Variants in CMIP observed in about 807,000 individuals in gnomAD.
CMIP encodes c-Maf inducing protein, also known as C-Maf-inducing protein.
In CMIP, 13 loss-of-function variants were observed where a neutral mutation model predicts 97.3. The ratio of observed to expected loss-of-function variants is 0.13; its 90% CI spans 0.09 to 0.21. The LOEUF (loss-of-function observed/expected upper bound fraction) is 0.21, where lower values mean the gene tolerates loss of function less well. Ranked by LOEUF, CMIP falls within the 10% of genes least tolerant of loss-of-function variation. The probability of loss-of-function intolerance (pLI) is 1.00; values close to 1 mark genes in which losing one functional copy is unlikely to be tolerated. For synonymous variants in CMIP, 538 were observed against 436.3 expected, an observed-to-expected ratio of 1.23 and a Z score of -2.91; for missense variants, 847 against 1,024.9, an observed-to-expected ratio of 0.83 and a Z score of 2.37.
Position 81,707,079 on chromosome 16 carries a change from C to A in CMIP, c.2263C>A (p.Leu755Met). 1 of 1,613,546 alleles carries A rather than the reference C, an allele frequency of 6.2e-7. No homozygotes were observed. The highest frequency in any genetic ancestry group is 8.5e-7 in the Non-Finnish European group (1 of 1,179,550). Reference sequence around the variant, plus strand: ...GCTCTCAGCTGACACCTACGAAGATCTGAAGGTAATTCCCTCCTTCCTCCC... The same window carrying A: ...GCTCTCAGCTGACACCTACGAAGATATGAAGGTAATTCCCTCCTTCCTCCC... ...TKLSADTYEDLKAKLPNLKEV... is the reference protein window; with the variant it reads ...TKLSADTYEDMKAKLPNLKEV... The change falls in exon 20 of 21, where the codon CTG becomes ATG. Residue 755 changes from leucine to methionine, a missense_variant. Around this residue, in one of 4 missense-constraint regions of CMIP, gnomAD observed 266 missense variants for 384.2 expected, o/e 0.69. Transcript: ENST00000537098.
intron 17 of CMIP, among the ~76,000 whole-genome samples, chr16:81,703,004 C>T (rs1427422970): frequency 1.3e-5 from 2 of 152,010 alleles, no homozygotes; most frequent in South Asian, 4.2e-4. Context: ...TCACAGCAAC[C>T]CTTGGAAGCT....
At chr16:81,504,639 C>T (rs201254432) in intron 1 of CMIP, among the ~76,000 whole-genome samples, 1 of 33,234 alleles carries the variant, frequency 3.0e-5, no homozygotes, top group African/African-American at 1.5e-4. Flanking sequence ...TGAGACTCGT[C>T]TCAAAAAAAA....
At chr16:81,541,552 A>C (rs1033317823) in intron 1 of CMIP, among the ~76,000 whole-genome samples, 6 of 152,204 alleles carry the variant, frequency 3.9e-5, no homozygotes, top group African/African-American at 1.4e-4. Context: ...TACGCTGGTG[A>C]GAGGTGTTAC....
At chr16:81,626,301 CTATTT>C (rs1362859421) in intron 3 of CMIP, among the ~76,000 whole-genome samples, 3 of 151,410 alleles carry the variant, frequency 2.0e-5, no homozygotes, top group East Asian at 1.9e-4. Flanking sequence ...TGTGGGGTGA[CTATTT>C]TATGAGTGTG....
At chr16:81,681,642 G>A (rs573041869) in intron 10 of CMIP, among the ~76,000 whole-genome samples, 2 of 152,348 alleles carry the variant, frequency 1.3e-5, no homozygotes, top group South Asian at 4.1e-4. Context: ...TATTGAGGGC[G>A]AGATGCGTCA....
At position 81,614,149 on chromosome 16, in the gene CMIP, A is replaced by C. The variant is rs1336383723; in HGVS notation, c.426+6457A>C. Among the ~76,000 whole-genome samples, 1 of 152,182 alleles carries C rather than the reference A, an allele frequency of 6.6e-6. No individual in the cohort carries two copies. The highest frequency in any genetic ancestry group is 1.5e-5 in the Non-Finnish European group (1 of 68,032). On this transcript the variant is annotated intron_variant, in intron 2 of 20. Transcript: ENST00000537098. This position sits in a 1 kb window ranked among gnomAD's most constrained non-coding sequence, Gnocchi z 5.3. ...TTCAGGAGGGACCTGAAGTGTAAGT[A>C]GGAGTCCAGCGGGCAGCGGAGAGAA...
intron 1 of CMIP, among the ~76,000 whole-genome samples, chr16:81,552,056 G>T (rs910921825): frequency 3.9e-5 from 6 of 152,158 alleles, no homozygotes; most frequent in Non-Finnish European, 7.4e-5. Context: ...GGAGCCCAGC[G>T]CTGGCAGCTG....
chr16:81,606,209 C>G (rs2091741232), intron 1 of CMIP, among the ~76,000 whole-genome samples: 1 of 152,230 alleles, frequency 6.6e-6, no homozygotes, highest in Non-Finnish European at 1.5e-5. Context: ...GGCCATGCCA[C>G]TCCTAGCTAG....
At chr16:81,527,912 A>G (rs2090162992) in intron 1 of CMIP, among the ~76,000 whole-genome samples, 3 of 152,168 alleles carry the variant, frequency 2.0e-5, no homozygotes, top group Admixed American at 2.0e-4. Context: ...CTTTTTGGGA[A>G]TGTGTGCATG....
chr16:81,696,627 G>T lies in CMIP; in HGVS notation c.1598G>T (p.Gly533Val). The change falls in exon 14 of 21, where the codon GGG (glycine) becomes GTG (valine). Residue 533 changes from glycine to valine, a missense_variant. This residue lies in a region of CMIP where 266 missense variants were observed against 384.2 expected (regional missense o/e 0.69). Coordinates refer to ENST00000537098, the MANE Select transcript of CMIP (RefSeq NM_198390.3). Reference protein sequence around the residue: ...DGWFQLYSPGGVACDDDGELF... With the variant: ...DGWFQLYSPGVVACDDDGELF... ...TGGTTCCAGCTCTACAGCCCCGGAG[G>T]GGTGGCCTGCGACGATGACGGGGAG... The T allele has an allele frequency of 6.2e-7, 1 of 1,607,370 alleles. No homozygotes were observed.
chr16:81,670,350 C>G (rs2092670515), intron 8 of CMIP, 105 bp downstream of exon 8: 2 of 1,227,566 alleles, frequency 1.6e-6, no homozygotes, highest in Non-Finnish European at 2.3e-6. Flanking sequence ...TAAATGAAGA[C>G]TCCCTCTATG....
intron 1 of CMIP, among the ~76,000 whole-genome samples, chr16:81,584,711 C>T (rs2091351953): frequency 1.3e-5 from 2 of 152,208 alleles, no homozygotes; most frequent in South Asian, 4.1e-4. Context: ...TCCGAATTAT[C>T]AACACATCGT....
At chr16:81,467,358 C>G (rs1002713996) in intron 1 of CMIP, among the ~76,000 whole-genome samples, 1 of 152,144 alleles carries the variant, frequency 6.6e-6, no homozygotes, top group South Asian at 2.1e-4. Flanking sequence ...AGAGCAGCCT[C>G]TATAGCAGTG....
At chr16:81,522,188 C>T (rs1033892560) in intron 1 of CMIP, among the ~76,000 whole-genome samples, 8 of 152,188 alleles carry the variant, frequency 5.3e-5, no homozygotes, top group Admixed American at 3.9e-4. Context: ...GATTCGCCCA[C>T]GATGATCAGG....
At chr16:81,628,660 A>C (rs954378560) in intron 3 of CMIP, among the ~76,000 whole-genome samples, 7 of 152,048 alleles carry the variant, frequency 4.6e-5, no homozygotes, top group Admixed American at 1.3e-4. Flanking sequence ...CCAACTGTAC[A>C]TGCATGCATG....
chr16:81,607,635 G>A lies in CMIP; in HGVS notation c.369G>A (p.Glu123=), dbSNP rs1253604310. 6.2e-7 allele frequency: 1 copy of A among 1,614,038 alleles called. No homozygotes were observed. The highest frequency in any genetic ancestry group is 1.7e-5 in the Admixed American group (1 of 60,030). The part of the protein sequence containing the change: ...AIEDVQLLSW[E]NAPKYCLQLT... ...AAGACGTTCAGCTGCTGTCCTGGGAGAATGCCCCGAAGTACTGTTTACAGC... is the reference window on the plus strand; with the variant it reads ...AAGACGTTCAGCTGCTGTCCTGGGAAAATGCCCCGAAGTACTGTTTACAGC... The change falls in exon 2 of 21, where the codon GAG becomes GAA. Residue 123 remains glutamate (E), a synonymous_variant. Transcript: ENST00000537098.
chr16:81,677,406 G>A (rs1313960841), intron 9 of CMIP, among the ~76,000 whole-genome samples: 1 of 152,190 alleles, frequency 6.6e-6, no homozygotes, highest in East Asian at 1.9e-4. Context: ...ATGTGTTTGA[G>A]CATCTGTGTG....
At chr16:81,691,559 A>G (rs542340183) in intron 10 of CMIP, 12 of 593,666 alleles carry the variant, frequency 2.0e-5, no homozygotes, top group East Asian at 8.5e-5. Flanking sequence ...CTCGGGTGCC[A>G]TGAGGAAGTC....
chr16:81,705,549 G>C lies in CMIP; in HGVS notation c.2142G>C (p.Gln714His), dbSNP rs1391985249. 1.9e-6 allele frequency: 3 copies of C among 1,609,726 alleles called. No individual in the cohort carries two copies. The highest frequency in any genetic ancestry group is 2.5e-6 in the Non-Finnish European group (3 of 1,178,722). ...TGTCGGAACACCTCACCATGCTCCA[G>C]GTGCTGAACCTGTGCGAGACCCCGG... ...RLLSEHLTMLQVLNLCETPVT... is the reference protein window; with the variant it reads ...RLLSEHLTMLHVLNLCETPVT... Residue 714 changes from glutamine (Q) to histidine (H), a missense_variant, in exon 19 of 21, where the codon CAG (glutamine) becomes CAC (histidine). Transcript: ENST00000537098.
Sources: allele counts gnomAD v4.1 joint callset (sites outside exome capture counted in the v4.1 genomes callset), GRCh38; gene constraint gnomAD v4.1.1; regional missense constraint gnomAD v4.1.1; non-coding constraint Gnocchi (gnomAD v3.1); transcripts MANE v1.5; gene names NCBI Gene and HGNC (gene_info 2026-07-23, HGNC 2026-07-21).